The following COIL variants were observed in gnomAD, a reference collection of about 807,000 sequenced individuals.
COIL encodes coilin.
Under a neutral mutation model 51.6 loss-of-function variants are expected in COIL, and 28 were observed. The observed-to-expected ratio is 0.54, with a 90% CI of 0.40 to 0.74. The LOEUF (loss-of-function observed/expected upper bound fraction) is 0.74. Ranked by LOEUF, COIL falls within the 30% of genes least tolerant of loss-of-function variation. The probability of loss-of-function intolerance (pLI) is 0.00; values close to 1 mark genes in which losing one functional copy is unlikely to be tolerated. For missense variants in COIL, 667 were observed against 685.9 expected (o/e 0.97, Z 0.31); for synonymous variants, 233 against 255.8 (o/e 0.91, Z 0.85).
In COIL at chr17:56,948,755, G is replaced by A. The variant is rs564850294; in HGVS notation, c.1488+632C>T. ...CAGATATTAAGTAAGTAAATTCCAC[G>A]GATAATATTTATGAATTACCTGTGG... is the stretch of plus-strand genomic sequence containing the variant. On this transcript the variant is annotated intron_variant, in intron 4 of 6. Transcript: ENST00000240316. Among the ~76,000 whole-genome samples, 554 of 149,320 alleles carry A rather than the reference G, an allele frequency of 3.7e-3. 1 individual carries two copies. The highest frequency in any genetic ancestry group is 5.6e-3 in the Non-Finnish European group (376 of 67,590).
intron 1 of COIL, among the ~76,000 whole-genome samples, chr17:56,958,894 G>A (rs1910529614): frequency 6.6e-6 from 1 of 152,224 alleles, no homozygotes; most frequent in Non-Finnish European, 1.5e-5. Flanking sequence ...TAAAGATGCA[G>A]TTACTGTTCC....
chr17:56,946,451 A>T lies in COIL; in HGVS notation c.1549T>A (p.Ser517Thr). 1 of 1,604,700 alleles carries T rather than the reference A, an allele frequency of 6.2e-7. No homozygotes were observed. The highest frequency in any genetic ancestry group is 8.5e-7 in the Non-Finnish European group (1 of 1,171,980). The change falls in exon 5 of 7, where the codon TCC becomes ACC. Residue 517 changes from serine to threonine, a missense_variant. By Grantham distance (58) the Ser-to-Thr change is moderately conservative. Transcript: ENST00000240316. ...TTTCTAAAAGACTCACCAGGTAAGG[A>T]TGAAAGAATTTCTATATCTACTTGC... The part of the protein sequence containing the change: ...TQQVDIEILS[S>T]LPALREPGKF...
rs1232034319 is a variant in COIL, at chr17:56,952,185, T to C, written c.246-1189A>G. ...CTGAAACCACTGATGATCATAGAGC[T>C]GGGAAAACTGTTGTGAACCTCACAG... On this transcript the variant is annotated intron_variant, in intron 1 of 6. Coordinates refer to ENST00000240316, the MANE Select transcript of COIL (RefSeq NM_004645.3). The C allele has an allele frequency of 6.0e-6, 3 of 497,680 alleles. No individual in the cohort carries two copies. In the Admixed American group the frequency reaches 6.2e-5, roughly 10 times the overall value. The allele number at this position is 497,680 out of a possible 1,614,324, so 30.8% of individuals were successfully genotyped here.
rs2144387339 is a variant in COIL at position 56,938,695 on chromosome 17, G to A, written c.*376C>T. On this transcript the variant is annotated 3_prime_UTR_variant, in exon 7 of 7. Coordinates refer to ENST00000240316, the MANE Select transcript of COIL (RefSeq NM_004645.3). The stretch of plus-strand genomic sequence containing the variant: ...ATAACATGCTTTAATATTTTTAAAT[G>A]TTACTTAAAACTTATTGAGACAAGA... 1 of 155,962 alleles carries A rather than the reference G, an allele frequency of 6.4e-6. No homozygotes were observed. Among genetic ancestry groups the A allele is most frequent in the East Asian group, 1.8e-4 (1 of 5,430 alleles). 9.7% of individuals were successfully genotyped at this position (155,962 alleles called of 1,614,324 possible). A position where few individuals can be genotyped will look rare whatever the true frequency, so the allele number is the denominator to read the frequency against.
chr17:56,944,346 A>C (rs1910203475), intron 5 of COIL, among the ~76,000 whole-genome samples: 1 of 152,126 alleles, frequency 6.6e-6, no homozygotes, highest in African/African-American at 2.4e-5. Flanking sequence ...TAATCCCAGC[A>C]CTTTGGGAGG....
chr17:56,947,685 G>A (rs751779058), intron 4 of COIL, among the ~76,000 whole-genome samples: 6 of 152,062 alleles, frequency 3.9e-5, no homozygotes, highest in Non-Finnish European at 5.9e-5. Flanking sequence ...TGGCCAGGCT[G>A]GTCTCGAACT....
intron 5 of COIL, among the ~76,000 whole-genome samples, chr17:56,942,956 C>T (rs1488921695): frequency 6.6e-6 from 1 of 152,176 alleles, no homozygotes; most frequent in African/African-American, 2.4e-5. Context: ...ACATTAAAAA[C>T]CTTTACTACA....
At chr17:56,939,644 T>G (rs879479701) in intron 6 of COIL, among the ~76,000 whole-genome samples, 1 of 151,634 alleles carries the variant, frequency 6.6e-6, no homozygotes, top group African/African-American at 2.4e-5. Flanking sequence ...GAAGGCTGAG[T>G]CAGGAGAATC....
At position 56,955,447 on chromosome 17, in the gene COIL, T is replaced by C. The variant is rs549275628; in HGVS notation, c.246-4451A>G. On this transcript the variant is annotated intron_variant, in intron 1 of 6. Coordinates refer to ENST00000240316, the MANE Select transcript of COIL (RefSeq NM_004645.3). ...AAGTCCACCCTTAAAATCTACAATT[T>C]ACTGTCTAGGATTCTGTTATGCAGA... Among the ~76,000 whole-genome samples, 547 of 152,340 alleles carry C rather than the reference T, an allele frequency of 3.6e-3. 1 individual carries two copies. Among genetic ancestry groups the C allele is most frequent in the Non-Finnish European group, 5.4e-3 (367 of 68,028 alleles).
chr17:56,957,356 A>G (rs1405455162), intron 1 of COIL, among the ~76,000 whole-genome samples: 1 of 151,990 alleles, frequency 6.6e-6, no homozygotes, highest in East Asian at 1.9e-4. Flanking sequence ...ACAGTTGCTC[A>G]CTCCTGTAAT....
chr17:56,957,445 C>G (rs1226042091), intron 1 of COIL, among the ~76,000 whole-genome samples: 1 of 151,928 alleles, frequency 6.6e-6, no homozygotes, highest in Admixed American at 6.6e-5. Flanking sequence ...CATGGTGAAA[C>G]CCCATCTCTA....
intron 1 of COIL, chr17:56,952,081 T>C: frequency 5.9e-6 from 2 of 337,936 alleles, no homozygotes; most frequent in South Asian, 4.9e-5. Context: ...AGTGCTGAGA[T>C]TACAGGCATG....
intron 1 of COIL, among the ~76,000 whole-genome samples, chr17:56,953,174 G>C (rs1008139912): frequency 6.6e-6 from 1 of 152,050 alleles, no homozygotes; most frequent in Non-Finnish European, 1.5e-5. Context: ...CACTTTGGGA[G>C]GTCAAGGTGG....
chr17:56,942,186 C>G, intron 5 of COIL, 63 bp from the exon 6 acceptor site: 2 of 1,277,668 alleles, frequency 1.6e-6, no homozygotes, highest in Non-Finnish European at 2.3e-6. Context: ...AAATGTTCCT[C>G]TATGGGGAAT....
In COIL at chr17:56,942,112, G is replaced by A. The variant is rs764495496; in HGVS notation, c.1570C>T (p.Pro524Ser). 2 of 1,613,608 alleles carry A rather than the reference G, an allele frequency of 1.2e-6. No homozygotes were observed. The highest frequency in any genetic ancestry group is 1.7e-6 in the Non-Finnish European group (2 of 1,179,664). The change falls in exon 6 of 7, where the codon CCT becomes TCT. Residue 524 changes from proline (P) to serine (S), a missense_variant. Pro to Ser is a moderately conservative substitution (Grantham distance 74). Coordinates refer to ENST00000240316, the MANE Select transcript of COIL (RefSeq NM_004645.3). ...TGATAAACTAAATCAAATTTCCCAGGTTCTCTCAAGGCTGAAACAAGAAGA... is the reference window on the plus strand; with the variant it reads ...TGATAAACTAAATCAAATTTCCCAGATTCTCTCAAGGCTGAAACAAGAAGA... ...ILSSLPALRE[P>S]GKFDLVYHNE...
Position 56,942,120 on chromosome 17 carries a change from A to G in COIL, c.1562T>C (p.Leu521Ser), listed in dbSNP as rs754261116. ...DIEILSSLPALREPGKFDLVY... is the reference protein window; with the variant it reads ...DIEILSSLPASREPGKFDLVY... ...TAAATCAAATTTCCCAGGTTCTCTC[A>G]AGGCTGAAACAAGAAGATAGGGAGG... is the stretch of plus-strand genomic sequence containing the variant. The change falls in exon 6 of 7, where the codon TTG (leucine) becomes TCG (serine). Residue 521 changes from leucine to serine, a missense_variant. Transcript: ENST00000240316. 6.2e-7 allele frequency: 1 copy of G among 1,613,064 alleles called. No homozygotes were observed. Among genetic ancestry groups the G allele is most frequent in the Non-Finnish European group, 8.5e-7 (1 of 1,178,994 alleles).
intron 5 of COIL, among the ~76,000 whole-genome samples, chr17:56,943,226 C>T (rs530690987): frequency 6.6e-6 from 1 of 152,316 alleles, no homozygotes; most frequent in Non-Finnish European, 1.5e-5. Flanking sequence ...ACATTTTATC[C>T]TTTGAACTTC....
intron 1 of COIL, among the ~76,000 whole-genome samples, chr17:56,956,405 A>AT (rs201754595): frequency 3.3e-5 from 5 of 150,272 alleles, no homozygotes; most frequent in Admixed American, 2.7e-4. Context: ...AGCCTAGCTA[A>AT]TTTTTTTTGT....
At chr17:56,946,294 G>A (rs986735642) in intron 5 of COIL, 148 bp downstream of exon 5, 1 of 534,334 alleles carries the variant, frequency 1.9e-6, no homozygotes, top group African/African-American at 1.9e-5. Context: ...CATCTCTTAT[G>A]AGCCCCCAGG....
Sources: allele counts gnomAD v4.1 joint callset (sites outside exome capture counted in the v4.1 genomes callset), GRCh38; gene constraint gnomAD v4.1.1; transcripts MANE v1.5; gene names NCBI Gene and HGNC (gene_info 2026-07-23, HGNC 2026-07-21).